The following ARID1B variants were observed in gnomAD, a reference collection of about 807,000 sequenced individuals.
ARID1B encodes the protein AT-rich interaction domain 1B.
ARID1B carries 30 observed loss-of-function variants against 212.3 expected under a neutral mutation model. The ratio of observed to expected loss-of-function variants is 0.14; its 90% CI spans 0.11 to 0.19. The LOEUF (loss-of-function observed/expected upper bound fraction) is 0.19, where lower values mean the gene tolerates loss of function less well. Ranked by LOEUF, ARID1B falls within the 10% of genes least tolerant of loss-of-function variation. The probability of loss-of-function intolerance (pLI) is 1.00; values close to 1 mark genes in which losing one functional copy is unlikely to be tolerated. For synonymous variants in ARID1B, 1,402 were observed against 1,301.7 expected, an observed-to-expected ratio of 1.08 and a Z score of -1.66; for missense variants, 2,891 against 3,204.0, an observed-to-expected ratio of 0.90 and a Z score of 2.36.
chr6:156,870,324 G>A (rs78939911), intron 2 of ARID1B: 3,970 of 152,220 alleles, frequency 0.026, 82 homozygotes, highest in Non-Finnish European at 0.042. Flanking sequence ...AGCAGGCCCC[G>A]TCTGAGGCCC....
At chr6:157,009,419 G>T (rs763654277) in intron 4 of ARID1B, among the ~76,000 whole-genome samples, 2 of 152,300 alleles carry the variant, frequency 1.3e-5, no homozygotes, top group South Asian at 2.1e-4. Context: ...AGACAGAATA[G>T]CGGAAAAGTT....
intron 1 of ARID1B, among the ~76,000 whole-genome samples, chr6:156,791,878 G>A (rs1167738374): frequency 2.0e-5 from 3 of 152,124 alleles, no homozygotes; most frequent in East Asian, 1.9e-4. Context: ...TTGCTAATTC[G>A]TTTTGACTCT....
intron 2 of ARID1B, among the ~76,000 whole-genome samples, chr6:156,895,203 A>G (rs1788285959): frequency 6.6e-6 from 1 of 152,212 alleles, no homozygotes. Flanking sequence ...TCTGTGTGAT[A>G]TTCTATAGAA....
In ARID1B at chr6:156,859,326, T is replaced by C. The variant is rs575441325; in HGVS notation, c.1986+29905T>C. 1.4e-4 allele frequency among the ~76,000 whole-genome samples: 21 copies of C among 152,312 alleles called. No homozygotes were observed. In the East Asian group the frequency reaches 3.5e-3, roughly 25 times the overall value. On this transcript the variant is annotated intron_variant, in intron 2 of 19. Coordinates refer to ENST00000636930, the MANE Select transcript of ARID1B (RefSeq NM_001374828.1). ...CATCATAGACCGAAACACTGTTATG[T>C]GGTACATGACTGTAAATGAATCAGA...
At chr6:156,841,629 A>G (rs1583142831) in intron 2 of ARID1B, among the ~76,000 whole-genome samples, 1 of 152,178 alleles carries the variant, frequency 6.6e-6, no homozygotes, top group East Asian at 1.9e-4. Flanking sequence ...AATCCCTGCC[A>G]TGTTTCTATT....
At chr6:157,012,237 G>T (rs919946272) in intron 4 of ARID1B, among the ~76,000 whole-genome samples, 1 of 152,176 alleles carries the variant, frequency 6.6e-6, no homozygotes, top group Non-Finnish European at 1.5e-5. Flanking sequence ...CAGATAGAAT[G>T]GCACAGTAAA....
intron 6 of ARID1B, among the ~76,000 whole-genome samples, chr6:157,112,902 G>A (rs1046623688): frequency 3.3e-5 from 5 of 151,920 alleles, no homozygotes; most frequent in African/African-American, 1.2e-4. Flanking sequence ...TAACAAGCTG[G>A]GTGGTTATAA....
chr6:157,020,473 A>C (rs561433380), intron 4 of ARID1B, among the ~76,000 whole-genome samples: 1 of 152,320 alleles, frequency 6.6e-6, no homozygotes, highest in South Asian at 2.1e-4. Flanking sequence ...AATTTTTTTT[A>C]ATTAACCCAA....
intron 4 of ARID1B, among the ~76,000 whole-genome samples, chr6:156,954,512 A>G (rs1285941067): frequency 2.0e-5 from 3 of 152,210 alleles, no homozygotes; most frequent in African/African-American, 7.2e-5. Context: ...TATGGTATAT[A>G]CAAGTCCCTG....
intron 7 of ARID1B, among the ~76,000 whole-genome samples, chr6:157,135,294 C>G (rs1450997188): frequency 1.3e-5 from 2 of 152,166 alleles, no homozygotes; most frequent in African/African-American, 4.8e-5. Context: ...TTCTAATGTT[C>G]TACGAATAAA....
At chr6:157,202,831 CACTG>C (rs1794197323) in intron 18 of ARID1B, among the ~76,000 whole-genome samples, 1 of 151,072 alleles carries the variant, frequency 6.6e-6, no homozygotes, top group Non-Finnish European at 1.5e-5. Flanking sequence ...GAGACACAGA[CACTG>C]AGCACCATTT....
At chr6:156,855,542 C>T (rs562668040) in intron 2 of ARID1B, among the ~76,000 whole-genome samples, 4 of 152,250 alleles carry the variant, frequency 2.6e-5, no homozygotes, top group Admixed American at 2.6e-4. Context: ...ATATTTCAGT[C>T]AGTGTTTCTG....
chr6:157,001,381 TGAG>T (rs1230116787), intron 4 of ARID1B, among the ~76,000 whole-genome samples: 1 of 152,168 alleles, frequency 6.6e-6, no homozygotes, highest in African/African-American at 2.4e-5. Context: ...TGGATAAATA[TGAG>T]AAGTGCAGGC....
chr6:156,859,201 C>T (rs1785155662), intron 2 of ARID1B, among the ~76,000 whole-genome samples: 1 of 152,166 alleles, frequency 6.6e-6, no homozygotes, highest in African/African-American at 2.4e-5. Flanking sequence ...GCAACCTCCG[C>T]CTCCCGGGTT....
At chr6:156,883,092 A>T (rs1787229072) in intron 2 of ARID1B, among the ~76,000 whole-genome samples, 1 of 152,242 alleles carries the variant, frequency 6.6e-6, no homozygotes, top group South Asian at 2.1e-4. Context: ...ATAGTCAAGG[A>T]GTGTTTGTGA....
intron 4 of ARID1B, among the ~76,000 whole-genome samples, chr6:157,021,457 C>T (rs555289818): frequency 1.6e-3 from 247 of 152,326 alleles, no homozygotes; most frequent in Admixed American, 2.5e-3. Flanking sequence ...GCCCGGCGGC[C>T]TCTGCCGGCA....
At chr6:157,004,867 A>G (rs1231076209) in intron 4 of ARID1B, among the ~76,000 whole-genome samples, 1 of 97,754 alleles carries the variant, frequency 1.0e-5, no homozygotes, top group South Asian at 3.0e-4. Flanking sequence ...ATGTAGTGGC[A>G]TTTCTTTTTT....
intron 5 of ARID1B, among the ~76,000 whole-genome samples, chr6:157,091,018 C>T (rs1242122988): frequency 6.6e-6 from 1 of 152,204 alleles, no homozygotes; most frequent in African/African-American, 2.4e-5. Flanking sequence ...CATGTGGCAC[C>T]TGCTAATGTG....
chr6:157,049,916 A>G (rs1159615100), intron 4 of ARID1B, among the ~76,000 whole-genome samples: 1 of 152,194 alleles, frequency 6.6e-6, no homozygotes, highest in Non-Finnish European at 1.5e-5. Flanking sequence ...TTCTTCAGTC[A>G]TCTTAATGTG....
Sources: allele counts gnomAD v4.1 joint callset (sites outside exome capture counted in the v4.1 genomes callset), GRCh38; gene constraint gnomAD v4.1.1; transcripts MANE v1.5; gene names NCBI Gene and HGNC (gene_info 2026-07-23, HGNC 2026-07-21).